TMEM39A: variants seen among roughly 807,000 people sequenced by gnomAD.
TMEM39A encodes the protein transmembrane protein 39A.
TMEM39A carries 19 observed loss-of-function variants against 51.9 expected under a neutral mutation model. The observed-to-expected ratio is 0.37, with a 90% CI of 0.26 to 0.54. The LOEUF (loss-of-function observed/expected upper bound fraction) is 0.54, where lower values mean the gene tolerates loss of function less well. TMEM39A is among the 20% of genes least tolerant of loss of function. The pLI, the probability that TMEM39A is intolerant of heterozygous loss-of-function variation, is 0.88. For missense variants in TMEM39A, 433 were observed against 590.5 expected (o/e 0.73, Z 2.76); for synonymous variants, 197 against 220.2 (o/e 0.89, Z 0.93).
chr3:119,451,418 T>A (rs966330310), intron 4 of TMEM39A: 9 of 674,512 alleles, frequency 1.3e-5, no homozygotes, highest in Middle Eastern at 7.0e-4. Context: ...GTTCCAAGAT[T>A]AAAATTATTA....
chr3:119,432,323 A>G (rs1049141723), intron 8 of TMEM39A, 109 bp from the exon 9 acceptor site: 2 of 685,314 alleles, frequency 2.9e-6, no homozygotes, highest in South Asian at 2.2e-5. Flanking sequence ...GTTCCCATAT[A>G]TAATAATAAA....
Position 119,463,610 on chromosome 3 carries a change from G to C in TMEM39A, c.-349C>G, listed in dbSNP as rs908289847. The stretch of plus-strand genomic sequence containing the variant: ...CCCATCCCTAGCCTCCATTACCGCG[G>C]AGCTGAGCAGACGTGGCAGCGCACG... On this transcript the variant is annotated 5_prime_UTR_variant, in exon 1 of 9. Transcript: ENST00000319172. 4 of 398,766 alleles carry C rather than the reference G, an allele frequency of 1.0e-5. No homozygotes were observed. The highest frequency in any genetic ancestry group is 6.3e-4 in the Middle Eastern group (1 of 1,592). 24.7% of individuals were successfully genotyped at this position (398,766 alleles called of 1,614,324 possible).
At chr3:119,455,117 G>A (rs941118656) in intron 3 of TMEM39A, among the ~76,000 whole-genome samples, 2 of 152,174 alleles carry the variant, frequency 1.3e-5, no homozygotes, top group Non-Finnish European at 2.9e-5. Flanking sequence ...ATTATTATGA[G>A]TATCTGACCC....
At chr3:119,448,861 G>A (rs1281915513) in intron 4 of TMEM39A, among the ~76,000 whole-genome samples, 3 of 152,164 alleles carry the variant, frequency 2.0e-5, no homozygotes, top group South Asian at 4.1e-4. Context: ...GCCCCAAGCC[G>A]CTAATCACTG....
intron 4 of TMEM39A, among the ~76,000 whole-genome samples, chr3:119,452,192 T>C (rs774922613): frequency 1.3e-5 from 2 of 152,190 alleles, no homozygotes; most frequent in Non-Finnish European, 2.9e-5. Flanking sequence ...ATTTAAATTG[T>C]TTAAATTGTA....
chr3:119,437,046 T>C lies in TMEM39A; in HGVS notation c.925-68A>G. ...AAAAAGAGGCAGGGATGGGTTGGTG[T>C]ACATATGCCCTGCAGACAAATGCCA... On this transcript the variant is annotated intron_variant, in intron 6 of 8. Coordinates refer to ENST00000319172, the MANE Select transcript of TMEM39A (RefSeq NM_018266.3). 9 of 1,454,472 alleles carry C rather than the reference T, an allele frequency of 6.2e-6. 1 individual carries two copies. Among genetic ancestry groups the C allele is most frequent in the Non-Finnish European group, 8.5e-6 (9 of 1,056,728 alleles). The allele number at this position is 1,454,472 out of a possible 1,614,324, so 90.1% of individuals were successfully genotyped here.
rs921241046 is a variant in TMEM39A, at chr3:119,451,704, C to T, written c.420+743G>A. Among the ~76,000 whole-genome samples the T allele has an allele frequency of 2.0e-5, 3 of 151,974 alleles. No individual in the cohort carries two copies. The East Asian group carries it at 5.8e-4, about 29-fold the overall frequency. On this transcript the variant is annotated intron_variant, in intron 4 of 8. Coordinates refer to ENST00000319172, the MANE Select transcript of TMEM39A (RefSeq NM_018266.3). Reference sequence around the variant, plus strand: ...AATTAGCCAGGCGTGGTGGCGCATGCCTGTAATCCCAGCTACTTGGGAGGC... The same window carrying T: ...AATTAGCCAGGCGTGGTGGCGCATGTCTGTAATCCCAGCTACTTGGGAGGC...
intron 7 of TMEM39A, chr3:119,436,025 A>T: frequency 1.1e-6 from 1 of 914,876 alleles, no homozygotes; most frequent in Non-Finnish European, 1.5e-6. Flanking sequence ...CCACTTAACT[A>T]GGGAAAAATT....
chr3:119,441,917 T>C (rs955329145), intron 5 of TMEM39A, among the ~76,000 whole-genome samples: 2 of 152,230 alleles, frequency 1.3e-5, no homozygotes, highest in African/African-American at 4.8e-5. Context: ...TTAAGAATTA[T>C]GCAAAATCTA....
Position 119,438,111 on chromosome 3 carries a change from A to C in TMEM39A, c.576-8T>G. 6.4e-7 allele frequency: 1 copy of C among 1,574,420 alleles called. No homozygotes were observed. Among genetic ancestry groups the C allele is most frequent in the Non-Finnish European group, 8.7e-7 (1 of 1,151,740 alleles). ...GGAACATAAACACCAAACCTGTAAA[A>C]CAAAGTGTGAAAATGAGACCACAGA... On this transcript the variant is annotated splice_region_variant and splice_polypyrimidine_tract_variant and intron_variant, in intron 5 of 8. Coordinates refer to ENST00000319172, the MANE Select transcript of TMEM39A (RefSeq NM_018266.3).
intron 3 of TMEM39A, 90 bp from the exon 4 acceptor site, chr3:119,452,620 G>T: frequency 9.8e-7 from 1 of 1,016,492 alleles, no homozygotes; most frequent in Non-Finnish European, 1.5e-6. Flanking sequence ...TCCCTCAAAA[G>T]ATCTTCCTTA....
At chr3:119,457,997 T>TAA (rs770188162) in intron 3 of TMEM39A, 21 bp downstream of exon 3, 1 of 1,578,040 alleles carries the variant, frequency 6.3e-7, no homozygotes, top group East Asian at 2.2e-5. Context: ...ATGAAGAACT[T>TAA]AAAGTCTGAG....
chr3:119,443,179 A>G (rs2081079100), intron 5 of TMEM39A, among the ~76,000 whole-genome samples: 1 of 152,148 alleles, frequency 6.6e-6, no homozygotes, highest in Non-Finnish European at 1.5e-5. Flanking sequence ...GTTTCTTGAC[A>G]TAAAATCTAT....
At chr3:119,449,411 T>C (rs2081169419) in intron 4 of TMEM39A, among the ~76,000 whole-genome samples, 1 of 151,926 alleles carries the variant, frequency 6.6e-6, no homozygotes, top group South Asian at 2.1e-4. Context: ...CTGTCTCTAC[T>C]AAAAATACAA....
At chr3:119,435,988 G>A (rs2080963357) in intron 7 of TMEM39A, 1 of 1,227,888 alleles carries the variant, frequency 8.1e-7, no homozygotes, top group Non-Finnish European at 1.1e-6. Flanking sequence ...AGGGGGAGAG[G>A]GAAAGGGAAG....
intron 4 of TMEM39A, among the ~76,000 whole-genome samples, chr3:119,450,546 G>A (rs1342304315): frequency 6.6e-6 from 1 of 152,076 alleles, no homozygotes; most frequent in Non-Finnish European, 1.5e-5. Flanking sequence ...CCTTGGCCAG[G>A]CACTTGGGAT....
intron 4 of TMEM39A, among the ~76,000 whole-genome samples, chr3:119,451,790 A>C (rs992279336): frequency 1.5e-5 from 2 of 132,426 alleles, no homozygotes; most frequent in Admixed American, 8.9e-5. Context: ...AGATCATGCC[A>C]CTGCACTCCA....
At chr3:119,447,901 C>T (rs2081149799) in intron 4 of TMEM39A, among the ~76,000 whole-genome samples, 1 of 152,170 alleles carries the variant, frequency 6.6e-6, no homozygotes, top group Non-Finnish European at 1.5e-5. Flanking sequence ...AGGCATGAGC[C>T]ACTGTGCCCG....
rs1184457784 is a variant in TMEM39A, at chr3:119,431,569, G to T, written c.*412C>A. ...AGCCAGCTGAACTAAAAGAGAATGG[G>T]TGCTGGTAGGCAACTCCATTGATCT... On this transcript the variant is annotated 3_prime_UTR_variant, in exon 9 of 9. Coordinates refer to ENST00000319172, the MANE Select transcript of TMEM39A (RefSeq NM_018266.3). The T allele has an allele frequency of 2.6e-5, 4 of 153,854 alleles. No individual in the cohort carries two copies. Among genetic ancestry groups the T allele is most frequent in the African/African-American group, 9.7e-5 (4 of 41,428 alleles). 9.5% of individuals were successfully genotyped at this position (153,854 alleles called of 1,614,324 possible).
Sources: allele counts gnomAD v4.1 joint callset (sites outside exome capture counted in the v4.1 genomes callset), GRCh38; gene constraint gnomAD v4.1.1; transcripts MANE v1.5; gene names NCBI Gene and HGNC (gene_info 2026-07-23, HGNC 2026-07-21).